The following CNNM2 variants were observed in gnomAD, a reference collection of about 807,000 sequenced individuals.
CNNM2 encodes cyclin and CBS domain divalent metal cation transport mediator 2.
Under a neutral mutation model 66.9 loss-of-function variants are expected in CNNM2, and 12 were observed. The ratio of observed to expected loss-of-function variants is 0.18; its 90% CI spans 0.11 to 0.29. The LOEUF (loss-of-function observed/expected upper bound fraction) is 0.29. CNNM2 is among the 10% of genes least tolerant of loss of function. CNNM2 has a pLI of 1.00. For missense variants in CNNM2, 705 were observed against 1,167.7 expected (o/e 0.60, Z 5.77); for synonymous variants, 557 against 501.8 (o/e 1.11, Z -1.47).
At chr10:103,002,463 C>A (rs962293544) in intron 1 of CNNM2, among the ~76,000 whole-genome samples, 1 of 150,174 alleles carries the variant, frequency 6.7e-6, no homozygotes, top group African/African-American at 2.4e-5. Context: ...GAGGATGTGG[C>A]TGACAAGACT....
At chr10:103,018,998 T>C (rs967206773) in intron 1 of CNNM2, among the ~76,000 whole-genome samples, 17 of 146,812 alleles carry the variant, frequency 1.2e-4, no homozygotes, top group Non-Finnish European at 2.1e-4. Flanking sequence ...CCGGGTGCAG[T>C]GGCTCACGCC....
chr10:102,933,816 T>C (rs976796898), intron 1 of CNNM2, among the ~76,000 whole-genome samples: 1 of 152,064 alleles, frequency 6.6e-6, no homozygotes, highest in South Asian at 2.1e-4. Flanking sequence ...TGGGAAGATA[T>C]ACACCATCAG....
intron 1 of CNNM2, among the ~76,000 whole-genome samples, chr10:103,019,951 T>C (rs1287754336): frequency 6.6e-6 from 1 of 152,220 alleles, no homozygotes; most frequent in African/African-American, 2.4e-5. Context: ...TATGAATGAT[T>C]TTCAATTTTT....
At chr10:102,976,564 C>A (rs1464009361) in intron 1 of CNNM2, among the ~76,000 whole-genome samples, 1 of 148,098 alleles carries the variant, frequency 6.8e-6, no homozygotes, top group Non-Finnish European at 1.5e-5. Context: ...CCTTGCCTCA[C>A]CCTCATGAGT....
At chr10:103,035,578 A>AT (rs1295517198) in intron 1 of CNNM2, among the ~76,000 whole-genome samples, 1 of 152,274 alleles carries the variant, frequency 6.6e-6, no homozygotes, top group East Asian at 1.9e-4. Flanking sequence ...GGTTCATGAG[A>AT]TTTTCTCACA....
At chr10:103,055,915 C>CT (rs1303224518) in intron 3 of CNNM2, among the ~76,000 whole-genome samples, 4 of 151,980 alleles carry the variant, frequency 2.6e-5, no homozygotes, top group African/African-American at 9.7e-5. Flanking sequence ...TGATGAAACT[C>CT]TATCTCCACT....
In CNNM2 at chr10:103,054,941, G is replaced by A. The variant is rs961457091; in HGVS notation, c.1903+475G>A. On this transcript the variant is annotated intron_variant, in intron 3 of 7. Coordinates refer to ENST00000369878, the MANE Select transcript of CNNM2 (RefSeq NM_017649.5). This position sits in a 1 kb window ranked among gnomAD's most constrained non-coding sequence, Gnocchi z 5.2. Reference sequence around the variant, plus strand: ...TAACACAGGGGCTGTGATTTGCAAAGAAGAAAACTAGGTTTTCACAATTAA... The same window carrying A: ...TAACACAGGGGCTGTGATTTGCAAAAAAGAAAACTAGGTTTTCACAATTAA... 6.6e-6 allele frequency among the ~76,000 whole-genome samples: 1 copy of A among 152,196 alleles called. No individual in the cohort carries two copies. The highest frequency in any genetic ancestry group is 1.5e-5 in the Non-Finnish European group (1 of 68,040).
intron 1 of CNNM2, among the ~76,000 whole-genome samples, chr10:102,922,531 A>G (rs1368143681): frequency 6.6e-6 from 1 of 152,044 alleles, no homozygotes; most frequent in African/African-American, 2.4e-5. Flanking sequence ...TTCTTCCTCT[A>G]CCTCTCTCCT....
intron 1 of CNNM2, among the ~76,000 whole-genome samples, chr10:102,970,378 G>A (rs2063530451): frequency 6.6e-6 from 1 of 152,202 alleles, no homozygotes; most frequent in African/African-American, 2.4e-5. Context: ...AATAAATTTT[G>A]ATTGGAATAC....
intron 1 of CNNM2, 83 bp downstream of exon 1, chr10:102,920,184 A>AC (rs1845568830): frequency 1.9e-6 from 3 of 1,610,174 alleles, no homozygotes; most frequent in East Asian, 2.2e-5. Flanking sequence ...CCTCAGACCA[A>AC]CCCCCCAAGG....
At chr10:102,952,100 G>C (rs1407507926) in intron 1 of CNNM2, among the ~76,000 whole-genome samples, 1 of 151,282 alleles carries the variant, frequency 6.6e-6, no homozygotes, top group African/African-American at 2.4e-5. Context: ...ACCACGCCCG[G>C]CCAATTTTTT....
chr10:102,977,818 G>A (rs1241962297), intron 1 of CNNM2, among the ~76,000 whole-genome samples: 1 of 152,140 alleles, frequency 6.6e-6, no homozygotes, highest in Non-Finnish European at 1.5e-5. Context: ...GAGGAAGTGA[G>A]GAAAGTAGGT....
At chr10:103,040,663 GA>G (rs2065025083) in intron 1 of CNNM2, among the ~76,000 whole-genome samples, 1 of 152,064 alleles carries the variant, frequency 6.6e-6, no homozygotes, top group South Asian at 2.1e-4. Context: ...CCTAATCAGG[GA>G]GACCATGTTG....
chr10:103,067,437 A>T (rs2065499018), intron 4 of CNNM2, among the ~76,000 whole-genome samples: 1 of 152,178 alleles, frequency 6.6e-6, no homozygotes, highest in Non-Finnish European at 1.5e-5. Flanking sequence ...GATTTGTAGG[A>T]GGGCAATGAT....
At chr10:103,008,798 A>AC (rs11379641) in intron 1 of CNNM2, among the ~76,000 whole-genome samples, 3 of 150,358 alleles carry the variant, frequency 2.0e-5, no homozygotes, top group Non-Finnish European at 3.0e-5. Context: ...AAAAAAAAAA[A>AC]CCCAAATGCT....
intron 1 of CNNM2, among the ~76,000 whole-genome samples, chr10:102,948,193 G>A (rs1203531778): frequency 6.6e-6 from 1 of 152,202 alleles, no homozygotes; most frequent in Admixed American, 6.5e-5. Flanking sequence ...GATTGTTGTT[G>A]TCTTCCTGGT....
At chr10:102,925,104 C>T (rs1159342923) in intron 1 of CNNM2, among the ~76,000 whole-genome samples, 1 of 151,738 alleles carries the variant, frequency 6.6e-6, no homozygotes, top group African/African-American at 2.4e-5. Context: ...CAAGACCAGC[C>T]TGACCAACAT....
At chr10:103,072,146 A>G (rs1261311106) in intron 6 of CNNM2, among the ~76,000 whole-genome samples, 1 of 152,108 alleles carries the variant, frequency 6.6e-6, no homozygotes, top group Non-Finnish European at 1.5e-5. Context: ...TTGAATTTTC[A>G]GGTCAGCAGT....
chr10:103,017,152 C>G (rs949146401), intron 1 of CNNM2, among the ~76,000 whole-genome samples: 4 of 152,054 alleles, frequency 2.6e-5, no homozygotes, highest in African/African-American at 9.7e-5. Context: ...TGTTTGTTTT[C>G]TTTTACGCTG....
Sources: gnomAD v4.1 joint callset for allele counts (sites outside exome capture counted in the v4.1 genomes callset) on GRCh38, gnomAD v4.1.1 for gene constraint, Gnocchi (gnomAD v3.1) non-coding constraint, MANE v1.5 for transcripts, NCBI Gene and HGNC (gene_info 2026-07-23, HGNC 2026-07-21) for gene names.